MYO6: variants seen among roughly 807,000 people sequenced by gnomAD.
MYO6 encodes myosin VI, also known as unconventional myosin-VI.
In MYO6, 74 loss-of-function variants were observed where a neutral mutation model predicts 178.7. That is an observed-to-expected ratio of 0.41 (90% CI 0.34 to 0.50). The LOEUF (loss-of-function observed/expected upper bound fraction) is 0.50. MYO6 is among the 20% of genes least tolerant of loss of function. MYO6 has a pLI of 0.09. For synonymous variants in MYO6, 477 were observed against 504.6 expected (o/e 0.95, Z 0.73); for missense variants, 1,330 against 1,547.4 (o/e 0.86, Z 2.36).
At chr6:75,865,402 T>G (rs777017303) in intron 16 of MYO6, 6 of 147,690 alleles carry the variant, frequency 4.1e-5, no homozygotes, top group African/African-American at 1.5e-4. Context: ...CTGGCTCTGT[T>G]GCCCTGGTTG....
intron 11 of MYO6, among the ~76,000 whole-genome samples, chr6:75,850,763 A>G (rs1775186835): frequency 6.6e-6 from 1 of 152,136 alleles, no homozygotes; most frequent in South Asian, 2.1e-4. Context: ...TACCTACCTC[A>G]TGTTGTAAAG....
chr6:75,895,207 A>C lies in MYO6; in HGVS notation c.3108-24A>C, dbSNP rs954038768. On this transcript the variant is annotated intron_variant, in intron 28 of 34. Transcript: ENST00000369977. Reference sequence around the variant, plus strand: ...ACAGTTCACAATTGGTTACGATATTAACTAAAATATATTCTTTTCACAGAA... The same window carrying C: ...ACAGTTCACAATTGGTTACGATATTCACTAAAATATATTCTTTTCACAGAA... The C allele has an allele frequency of 3.8e-6, 6 of 1,578,010 alleles. No homozygotes were observed. In the South Asian group the frequency reaches 6.7e-5, roughly 18 times the overall value.
rs1170404464 is a variant in MYO6 at position 75,915,017 on chromosome 6, T to C, written c.*5T>C. 1.2e-5 allele frequency: 19 copies of C among 1,610,588 alleles called. No homozygotes were observed. The highest frequency in any genetic ancestry group is 1.5e-5 in the Non-Finnish European group (18 of 1,178,856). On this transcript the variant is annotated 3_prime_UTR_variant, in exon 35 of 35. Coordinates refer to ENST00000369977, the MANE Select transcript of MYO6 (RefSeq NM_004999.4). The stretch of plus-strand genomic sequence containing the variant: ...CTGCAGAGTCTGTTAAAGTAGATGT[T>C]GCACACCAGCCTTACAGCTGGGAGC...
chr6:75,826,526 A>G (rs1192775844), intron 3 of MYO6, among the ~76,000 whole-genome samples: 1 of 152,120 alleles, frequency 6.6e-6, no homozygotes, highest in Non-Finnish European at 1.5e-5. Flanking sequence ...GCAACCAGGT[A>G]TTTCAGAGGA....
chr6:75,884,293 TG>T (rs1310576243), intron 23 of MYO6, among the ~76,000 whole-genome samples: 3 of 152,252 alleles, frequency 2.0e-5, no homozygotes, highest in African/African-American at 7.2e-5. Context: ...TCACTCAGTA[TG>T]TTCATTGTGA....
At chr6:75,815,577 C>A (rs777182856) in intron 1 of MYO6, among the ~76,000 whole-genome samples, 1 of 152,204 alleles carries the variant, frequency 6.6e-6, no homozygotes, top group East Asian at 1.9e-4. Context: ...TGATTCACTT[C>A]TATGAAGACT....
chr6:75,855,221 A>G lies in MYO6; in HGVS notation c.1161A>G (p.Arg387=). Residue 387 remains arginine (R), a synonymous_variant, in exon 12 of 35, where the codon CGA becomes CGG. Transcript: ENST00000369977. The stretch of plus-strand genomic sequence containing the variant: ...TGGGTTTGGACCAAGATGATCTTCG[A>G]GTAAGTTTGACCACAAGAGTCATGC... ...ELLGLDQDDL[R]VSLTTRVMLT... is the part of the protein sequence containing the mutation. 2 of 1,613,740 alleles carry G rather than the reference A, an allele frequency of 1.2e-6. No individual in the cohort carries two copies. Among genetic ancestry groups the G allele is most frequent in the Non-Finnish European group, 1.7e-6 (2 of 1,179,746 alleles).
At chr6:75,863,076 C>T (rs1776335372) in intron 16 of MYO6, among the ~76,000 whole-genome samples, 1 of 152,022 alleles carries the variant, frequency 6.6e-6, no homozygotes, top group Admixed American at 6.6e-5. Flanking sequence ...GCCAAAAGAG[C>T]AAGATCCTGT....
rs113678101 is a variant in MYO6, at chr6:75,890,510, A to G, written c.2867+245A>G. Reference sequence around the variant, plus strand: ...CAGGTGCGCACCACCACGCCTGGCTAATTTTTGTATTTGTAGTGGAGACGG... The same window carrying G: ...CAGGTGCGCACCACCACGCCTGGCTGATTTTTGTATTTGTAGTGGAGACGG... On this transcript the variant is annotated intron_variant, in intron 26 of 34. Transcript: ENST00000369977. Among the ~76,000 whole-genome samples, 2,038 of 152,026 alleles carry G rather than the reference A, an allele frequency of 0.013. 22 individuals carry two copies. Among genetic ancestry groups the G allele is most frequent in the Non-Finnish European group, 0.018 (1,221 of 67,954 alleles).
intron 1 of MYO6, among the ~76,000 whole-genome samples, chr6:75,755,965 C>T (rs1255335471): frequency 6.6e-6 from 1 of 152,208 alleles, no homozygotes; most frequent in African/African-American, 2.4e-5. Flanking sequence ...GACTTACTTG[C>T]TCTGGAATAT....
intron 30 of MYO6, among the ~76,000 whole-genome samples, chr6:75,900,467 T>C (rs944798560): frequency 1.3e-5 from 2 of 152,380 alleles, no homozygotes; most frequent in East Asian, 1.9e-4. Context: ...GGTTTTGATT[T>C]GCATTTCTCT....
chr6:75,779,656 T>G (rs1766762840), intron 1 of MYO6, among the ~76,000 whole-genome samples: 1 of 152,244 alleles, frequency 6.6e-6, no homozygotes, highest in Non-Finnish European at 1.5e-5. Context: ...TTCATTAACC[T>G]TAGTGTTTTC....
Position 75,867,045 on chromosome 6 carries a change from C to T in MYO6, c.1884C>T (p.Asn628=). The T allele has an allele frequency of 6.2e-7, 1 of 1,613,792 alleles. No homozygotes were observed. Among genetic ancestry groups the T allele is most frequent in the Middle Eastern group, 1.7e-4 (1 of 6,046 alleles). ...TATTTGAATCATCCACAAATAACAACAAAGATACTAAACAAAAAGCAGGAA... is the reference window on the plus strand; with the variant it reads ...TATTTGAATCATCCACAAATAACAATAAAGATACTAAACAAAAAGCAGGAA... ...RELFESSTNN[N]KDTKQKAGKL... Residue 628 remains asparagine (N), a synonymous_variant, in exon 18 of 35, where the codon AAC becomes AAT. Transcript: ENST00000369977.
intron 1 of MYO6, among the ~76,000 whole-genome samples, chr6:75,779,179 A>C (rs1351083229): frequency 6.6e-6 from 1 of 151,768 alleles, no homozygotes; most frequent in Non-Finnish European, 1.5e-5. Flanking sequence ...GATTACAGGC[A>C]CATGCCACTG....
At chr6:75,833,423 C>T (rs1329555061) in intron 6 of MYO6, among the ~76,000 whole-genome samples, 1 of 152,208 alleles carries the variant, frequency 6.6e-6, no homozygotes, top group Non-Finnish European at 1.5e-5. Context: ...CCAGAACTTT[C>T]ATCTTGGAAA....
chr6:75,879,868 C>A lies in MYO6; in HGVS notation c.2126C>A (p.Ala709Asp), dbSNP rs756518411. 6.2e-7 allele frequency: 1 copy of A among 1,613,940 alleles called. No homozygotes were observed. Among genetic ancestry groups the A allele is most frequent in the African/African-American group, 1.3e-5 (1 of 74,902 alleles). The change falls in exon 21 of 35, where the codon GCT (alanine) becomes GAT (aspartate). Residue 709 changes from alanine to aspartate, a missense_variant. Ala to Asp is a moderately radical substitution (Grantham distance 126). Coordinates refer to ENST00000369977, the MANE Select transcript of MYO6 (RefSeq NM_004999.4). ...ATGCAGGGTGGTTACCCATCACGAGCTTCATTTCATGAACTCTACAACATG... is the reference window on the plus strand; with the variant it reads ...ATGCAGGGTGGTTACCCATCACGAGATTCATTTCATGAACTCTACAACATG... ...DLMQGGYPSR[A>D]SFHELYNMYK...
chr6:75,771,021 C>T (rs1382543770), intron 1 of MYO6, among the ~76,000 whole-genome samples: 3 of 149,612 alleles, frequency 2.0e-5, no homozygotes, highest in Non-Finnish European at 4.4e-5. Flanking sequence ...TTTTTCCCCC[C>T]TGAGATGGTC....
Position 75,915,125 on chromosome 6 carries a change from AC to A in MYO6, c.*114del. On this transcript the variant is annotated 3_prime_UTR_variant, in exon 35 of 35. Coordinates refer to ENST00000369977, the MANE Select transcript of MYO6 (RefSeq NM_004999.4). ...TGTTAGAGTTACTTCTATAAAGTGA[AC>A]AGATTTTATTAATCACGGCTTTTGG... 1 of 1,066,584 alleles carries A rather than the reference AC, an allele frequency of 9.4e-7. No homozygotes were observed. Among genetic ancestry groups the A allele is most frequent in the South Asian group, 1.4e-5 (1 of 72,670 alleles). The allele number at this position is 1,066,584 out of a possible 1,614,324, so 66.1% of individuals were successfully genotyped here.
intron 16 of MYO6, chr6:75,865,138 G>C (rs1017744569): frequency 9.7e-6 from 1 of 103,438 alleles, no homozygotes; most frequent in Middle Eastern, 4.7e-3. Context: ...TTTTTTTTTT[G>C]TAGAGACAGA....
Sources: gnomAD v4.1 joint callset for allele counts (sites outside exome capture counted in the v4.1 genomes callset) on GRCh38, gnomAD v4.1.1 for gene constraint, MANE v1.5 for transcripts, NCBI Gene and HGNC (gene_info 2026-07-23, HGNC 2026-07-21) for gene names.